Variants in CTHRC1 observed in about 807,000 individuals in gnomAD.
CTHRC1 encodes the protein collagen triple helix repeat containing 1.
Under a neutral mutation model 25.9 loss-of-function variants are expected in CTHRC1, and 21 were observed. The observed-to-expected ratio is 0.81, with a 90% confidence interval of 0.57 to 1.17. The LOEUF is 1.17. CTHRC1 is among the 50% of genes most tolerant of loss of function. CTHRC1 has a pLI of 0.00. For synonymous variants in CTHRC1, 109 were observed against 113.1 expected (o/e 0.96, Z 0.23); for missense variants, 281 against 304.3 (o/e 0.92, Z 0.57).
chr8:103,382,364 A>C, intron 3 of CTHRC1, 94 bp from the exon 4 acceptor site: 1 of 1,309,512 alleles, frequency 7.6e-7, no homozygotes, highest in South Asian at 1.2e-5. Flanking sequence ...CATTAAACAG[A>C]ATTACAAACT....
At chr8:103,381,827 T>C (rs1815917037) in intron 3 of CTHRC1, among the ~76,000 whole-genome samples, 2 of 152,016 alleles carry the variant, frequency 1.3e-5, no homozygotes, top group South Asian at 2.1e-4. Flanking sequence ...TGAAACTCCA[T>C]CTCTACTAAA....
chr8:103,372,634 C>A, intron 1 of CTHRC1: 1 of 1,598,148 alleles, frequency 6.3e-7, no homozygotes, highest in South Asian at 1.1e-5. Flanking sequence ...GGCCCGAGTG[C>A]TTTCCAGGGG....
chr8:103,372,016 G>T (rs987142819), intron 1 of CTHRC1, among the ~76,000 whole-genome samples: 1 of 152,240 alleles, frequency 6.6e-6, no homozygotes, highest in Non-Finnish European at 1.5e-5. Context: ...ACTCAGAGGG[G>T]AGACCAAAAT....
rs188036801 is a variant in CTHRC1 at position 103,372,501 on chromosome 8, C to T, written c.150+695C>T. On this transcript the variant is annotated intron_variant, in intron 1 of 3. Coordinates refer to ENST00000330295, the MANE Select transcript of CTHRC1 (RefSeq NM_138455.4). ...AACCCTCTAAGGACCTGTTTTGCTTCTGTTTAAACCAAATGGGCAGTCTGT... is the reference window on the plus strand; with the variant it reads ...AACCCTCTAAGGACCTGTTTTGCTTTTGTTTAAACCAAATGGGCAGTCTGT... 6.3e-6 allele frequency: 10 copies of T among 1,597,432 alleles called. No individual in the cohort carries two copies. In the East Asian group the frequency reaches 2.0e-4, roughly 32 times the overall value.
chr8:103,377,202 A>AT (rs1483347776), intron 2 of CTHRC1: 1 of 152,222 alleles, frequency 6.6e-6, no homozygotes, highest in Admixed American at 6.5e-5. Context: ...CATCATATAG[A>AT]TAAAGACTAA....
chr8:103,372,396 T>G, intron 1 of CTHRC1: 2 of 1,428,448 alleles, frequency 1.4e-6, no homozygotes, highest in Non-Finnish European at 1.8e-6. Flanking sequence ...TGCAATTTAC[T>G]TTGTTGGACA....
At chr8:103,372,091 C>A (rs1290388808) in intron 1 of CTHRC1, among the ~76,000 whole-genome samples, 3 of 151,668 alleles carry the variant, frequency 2.0e-5, no homozygotes, top group African/African-American at 7.3e-5. Context: ...TACAGGGAGT[C>A]CCCCAATAAT....
chr8:103,375,771 G>A lies in CTHRC1; in HGVS notation c.184G>A (p.Val62Met), dbSNP rs1477470954. 1.2e-6 allele frequency: 2 copies of A among 1,614,010 alleles called. No homozygotes were observed. Among genetic ancestry groups the A allele is most frequent in the East Asian group, 2.2e-5 (1 of 44,886 alleles). ...NGMCLQGPAG[V>M]PGRDGSPGAN... ...AATGTGCTTACAAGGGCCAGCAGGA[G>A]TGCCTGGTCGAGACGGGAGCCCTGG... The change falls in exon 2 of 4, where the codon GTG becomes ATG. Residue 62 changes from valine (V) to methionine (M), a missense_variant. Coordinates refer to ENST00000330295, the MANE Select transcript of CTHRC1 (RefSeq NM_138455.4).
chr8:103,375,523 G>C (rs1024652663), intron 1 of CTHRC1, among the ~76,000 whole-genome samples: 1 of 152,104 alleles, frequency 6.6e-6, no homozygotes, highest in African/African-American at 2.4e-5. Flanking sequence ...GTGTGTGTGC[G>C]TGTAAAGTCT....
intron 1 of CTHRC1, 94 bp downstream of exon 1, chr8:103,371,900 GTGTC>G (rs887198892): frequency 2.0e-5 from 25 of 1,254,566 alleles, no homozygotes; most frequent in African/African-American, 3.2e-5. Context: ...GCTGTTGGGG[GTGTC>G]TGTCTGTACA....
At chr8:103,372,736 A>C in intron 1 of CTHRC1, 1 of 1,216,436 alleles carries the variant, frequency 8.2e-7, no homozygotes, top group Non-Finnish European at 1.2e-6. Flanking sequence ...GGCCTGTGGT[A>C]TGAGGGAGCC....
At chr8:103,379,192 T>C (rs1815861561) in intron 3 of CTHRC1, among the ~76,000 whole-genome samples, 1 of 152,192 alleles carries the variant, frequency 6.6e-6, no homozygotes, top group African/African-American at 2.4e-5. Context: ...CATTCAGTGG[T>C]CACTTAAACT....
chr8:103,382,964 T>C lies in CTHRC1; in HGVS notation c.*364T>C, dbSNP rs1815940756. ...AAATGTTAAGAATTTTTTTTATATC[T>C]GTTAAATAAAAATTATTTCCAACAA... On this transcript the variant is annotated 3_prime_UTR_variant, in exon 4 of 4. Coordinates refer to ENST00000330295, the MANE Select transcript of CTHRC1 (RefSeq NM_138455.4). The C allele has an allele frequency of 5.7e-6, 1 of 176,758 alleles. No individual in the cohort carries two copies. Among genetic ancestry groups the C allele is most frequent in the Non-Finnish European group, 1.2e-5 (1 of 82,900 alleles). 10.9% of individuals were successfully genotyped at this position (176,758 alleles called of 1,614,324 possible).
At chr8:103,379,176 A>G (rs1815861264) in intron 3 of CTHRC1, among the ~76,000 whole-genome samples, 1 of 152,234 alleles carries the variant, frequency 6.6e-6, no homozygotes, top group East Asian at 1.9e-4. Flanking sequence ...TAGTATGAGG[A>G]AAAGACATTC....
chr8:103,372,490 C>G, intron 1 of CTHRC1: 1 of 1,596,018 alleles, frequency 6.3e-7, no homozygotes, highest in Non-Finnish European at 8.5e-7. Flanking sequence ...CTCTAAGGAC[C>G]TGTTTTGCTT....
At chr8:103,372,745 C>A (rs1408420442) in intron 1 of CTHRC1, 5 of 1,050,496 alleles carry the variant, frequency 4.8e-6, no homozygotes, top group Non-Finnish European at 2.8e-6. Flanking sequence ...TATGAGGGAG[C>A]CTTTCAGAGC....
At chr8:103,379,310 C>T (rs1228144089) in intron 3 of CTHRC1, among the ~76,000 whole-genome samples, 5 of 151,994 alleles carry the variant, frequency 3.3e-5, no homozygotes, top group Admixed American at 6.6e-5. Context: ...AGTACACTGG[C>T]AGGATCACAG....
chr8:103,379,458 C>T lies in CTHRC1; in HGVS notation c.589+1215C>T, dbSNP rs919971787. The stretch of plus-strand genomic sequence containing the variant: ...TTCATTAAAGAAAGTTTAGAAAATA[C>T]CAGAAAATAGAAGAGTTAAAAAAAA... On this transcript the variant is annotated intron_variant, in intron 3 of 3. Coordinates refer to ENST00000330295, the MANE Select transcript of CTHRC1 (RefSeq NM_138455.4). Among the ~76,000 whole-genome samples the T allele has an allele frequency of 2.0e-5, 3 of 149,874 alleles. No individual in the cohort carries two copies. In the East Asian group the frequency reaches 5.9e-4, roughly 29 times the overall value.
In CTHRC1 at chr8:103,375,220, A is replaced by G. The variant is rs549897463; in HGVS notation, c.151-518A>G. On this transcript the variant is annotated intron_variant, in intron 1 of 3. Coordinates refer to ENST00000330295, the MANE Select transcript of CTHRC1 (RefSeq NM_138455.4). ...TTGACTCTTAAGATTTTATTTTATA[A>G]TTATGTCCCTAGGAATTTATCTTAA... is the stretch of plus-strand genomic sequence containing the variant. Among the ~76,000 whole-genome samples the G allele has an allele frequency of 2.0e-5, 3 of 152,348 alleles. No individual in the cohort carries two copies. In the South Asian group the frequency reaches 6.2e-4, roughly 32 times the overall value.
Sources: allele counts gnomAD v4.1 joint callset (sites outside exome capture counted in the v4.1 genomes callset), GRCh38; gene constraint gnomAD v4.1.1; transcripts MANE v1.5; gene names NCBI Gene and HGNC (gene_info 2026-07-23, HGNC 2026-07-21).